The following PARD3B variants were observed in gnomAD, a reference collection of about 807,000 sequenced individuals.
PARD3B encodes the protein partitioning defective 3 homolog B.
Under a neutral mutation model 130.2 loss-of-function variants are expected in PARD3B, and 103 were observed. The observed-to-expected ratio is 0.79, with a 90% CI of 0.67 to 0.93. The LOEUF is 0.93. Among genes scored for constraint, PARD3B ranks in the 40% least tolerant of loss-of-function variants. The probability of loss-of-function intolerance (pLI) is 0.00; values close to 1 mark genes in which losing one functional copy is unlikely to be tolerated. For missense variants in PARD3B, 1,609 were observed against 1,499.2 expected, an observed-to-expected ratio of 1.07 and a Z score of -1.21; for synonymous variants, 583 against 553.2, an observed-to-expected ratio of 1.05 and a Z score of -0.76.
At chr2:204,880,864 G>C (rs1196117307) in intron 2 of PARD3B, among the ~76,000 whole-genome samples, 1 of 152,044 alleles carries the variant, frequency 6.6e-6, no homozygotes. Context: ...CCAACATCCT[G>C]CAATTATATT....
At chr2:205,100,624 A>G (rs962791557) in intron 4 of PARD3B, among the ~76,000 whole-genome samples, 2 of 152,194 alleles carry the variant, frequency 1.3e-5, no homozygotes, top group African/African-American at 2.4e-5. Flanking sequence ...TCGTACTGAC[A>G]TAAGAATAGA....
At chr2:204,569,660 G>A (rs1020279651) in intron 1 of PARD3B, among the ~76,000 whole-genome samples, 3 of 152,176 alleles carry the variant, frequency 2.0e-5, no homozygotes, top group African/African-American at 7.2e-5. Flanking sequence ...ACTAAAAATT[G>A]TTTGAGAGAA....
chr2:204,790,578 G>A (rs1395979434), intron 2 of PARD3B, among the ~76,000 whole-genome samples: 1 of 152,138 alleles, frequency 6.6e-6, no homozygotes, highest in African/African-American at 2.4e-5. Flanking sequence ...ATAATGTGGA[G>A]TTGACACCAC....
At chr2:204,617,432 G>T (rs2034149354) in intron 1 of PARD3B, among the ~76,000 whole-genome samples, 1 of 152,072 alleles carries the variant, frequency 6.6e-6, no homozygotes, top group Non-Finnish European at 1.5e-5. Context: ...AGTCTTGCAG[G>T]GCAGACTAGG....
intron 1 of PARD3B, among the ~76,000 whole-genome samples, chr2:204,666,086 G>T (rs1186949190): frequency 6.6e-6 from 1 of 152,146 alleles, no homozygotes; most frequent in East Asian, 1.9e-4. Flanking sequence ...TGCCTGTGGA[G>T]CCCAGGCAAT....
rs895796953 is a variant in PARD3B, at chr2:204,870,363, G to A, written c.223-94789G>A. Among the ~76,000 whole-genome samples the A allele has an allele frequency of 8.5e-5, 13 of 152,284 alleles. No individual in the cohort carries two copies. In the Middle Eastern group the frequency reaches 0.01, roughly 120 times the overall value. ...AATGATGTTAATTAATTTGAAAGTT[G>A]CTAAGAGTCCCTATCAAATGCCTGT... On this transcript the variant is annotated intron_variant, in intron 2 of 22. Transcript: ENST00000406610.
At chr2:205,384,735 T>G (rs1017409488) in intron 18 of PARD3B, among the ~76,000 whole-genome samples, 4 of 152,068 alleles carry the variant, frequency 2.6e-5, no homozygotes, top group Non-Finnish European at 5.9e-5. Flanking sequence ...ATCTGTGAAC[T>G]CTTAGAAATT....
chr2:204,969,915 C>T (rs1231260388), intron 3 of PARD3B, among the ~76,000 whole-genome samples: 2 of 151,286 alleles, frequency 1.3e-5, no homozygotes, highest in African/African-American at 2.4e-5. Flanking sequence ...TCTTCTCATC[C>T]CGTGTGTGTG....
chr2:205,457,694 A>AT (rs527432204), intron 20 of PARD3B, among the ~76,000 whole-genome samples: 5 of 151,540 alleles, frequency 3.3e-5, no homozygotes, highest in African/African-American at 9.7e-5. Context: ...ATTGCCAGTG[A>AT]TTTTTTTCTT....
chr2:205,515,933 T>TTACA (rs1460303554), intron 21 of PARD3B, among the ~76,000 whole-genome samples: 1 of 152,182 alleles, frequency 6.6e-6, no homozygotes, highest in Non-Finnish European at 1.5e-5. Context: ...GTTTTGGGTT[T>TTACA]TACATTTAAG....
chr2:204,573,083 C>G (rs1574482667), intron 1 of PARD3B, among the ~76,000 whole-genome samples: 3 of 152,194 alleles, frequency 2.0e-5, no homozygotes, highest in Admixed American at 2.0e-4. Flanking sequence ...CTCAACTTGG[C>G]TGGTGGCTAT....
chr2:205,166,488 C>T (rs1275831920), intron 11 of PARD3B, among the ~76,000 whole-genome samples: 1 of 152,198 alleles, frequency 6.6e-6, no homozygotes, highest in Non-Finnish European at 1.5e-5. Context: ...GACCTCTTCA[C>T]ATAAGCTGAA....
At chr2:205,513,141 G>A (rs185535659) in intron 21 of PARD3B, among the ~76,000 whole-genome samples, 13 of 152,134 alleles carry the variant, frequency 8.5e-5, no homozygotes, top group Non-Finnish European at 1.5e-4. Context: ...CATTTCAGAG[G>A]AGGAAATCGT....
intron 2 of PARD3B, among the ~76,000 whole-genome samples, chr2:204,708,466 G>A (rs746775668): frequency 2.6e-5 from 4 of 152,210 alleles, no homozygotes; most frequent in Admixed American, 6.5e-5. Flanking sequence ...TTTCAGAAAC[G>A]ATCTCCTAGT....
chr2:205,467,066 A>G (rs73055947), intron 20 of PARD3B, among the ~76,000 whole-genome samples: 5,614 of 152,328 alleles, frequency 0.037, 316 homozygotes, highest in African/African-American at 0.12. Flanking sequence ...CTGATAAAGT[A>G]TATCATCTCC....
intron 3 of PARD3B, among the ~76,000 whole-genome samples, chr2:205,037,737 C>T (rs755819346): frequency 7.3e-5 from 11 of 151,442 alleles, no homozygotes; most frequent in Non-Finnish European, 1.3e-4. Context: ...TCCAAAAATA[C>T]TCTGGGCCAC....
At chr2:204,674,688 CTTT>C (rs2036453639) in intron 1 of PARD3B, among the ~76,000 whole-genome samples, 1 of 152,142 alleles carries the variant, frequency 6.6e-6, no homozygotes, top group Non-Finnish European at 1.5e-5. Context: ...TTAATCTCTT[CTTT>C]GATTGATCCA....
chr2:205,196,439 T>C (rs960734868), intron 15 of PARD3B, among the ~76,000 whole-genome samples: 5 of 152,102 alleles, frequency 3.3e-5, no homozygotes, highest in Non-Finnish European at 4.4e-5. Flanking sequence ...TTATAAAATA[T>C]TGTTACATGG....
chr2:205,236,921 G>A (rs1049205248), intron 15 of PARD3B, among the ~76,000 whole-genome samples: 13 of 152,122 alleles, frequency 8.5e-5, no homozygotes, highest in East Asian at 1.9e-4. Context: ...CAAATTTGTC[G>A]TATAAAGAAG....
Sources: allele counts gnomAD v4.1 joint callset (sites outside exome capture counted in the v4.1 genomes callset), GRCh38; gene constraint gnomAD v4.1.1; transcripts MANE v1.5; gene names NCBI Gene and HGNC (gene_info 2026-07-23, HGNC 2026-07-21).